The following FAM117A variants were observed in gnomAD, a reference collection of about 807,000 sequenced individuals.
FAM117A encodes family with sequence similarity 117 member A, also known as protein FAM117A.
In FAM117A, 21 loss-of-function variants were observed where a neutral mutation model predicts 44.1. That is an observed-to-expected ratio of 0.48 (90% CI 0.34 to 0.69). The LOEUF is 0.69. Ranked by LOEUF, FAM117A falls within the 30% of genes least tolerant of loss-of-function variation. The pLI, the probability that FAM117A is intolerant of heterozygous loss-of-function variation, is 0.01. For missense variants in FAM117A, 498 were observed against 589.9 expected, an observed-to-expected ratio of 0.84 and a Z score of 1.61; for synonymous variants, 220 against 238.3, an observed-to-expected ratio of 0.92 and a Z score of 0.71.
intron 7 of FAM117A, among the ~76,000 whole-genome samples, chr17:49,715,543 G>GCC (rs2073498377): frequency 6.6e-6 from 1 of 152,166 alleles, no homozygotes; most frequent in Non-Finnish European, 1.5e-5. Context: ...GCTAATGGGA[G>GCC]GAAAGTGTAA....
At chr17:49,782,950 T>C (rs1358700536) in intron 1 of FAM117A, among the ~76,000 whole-genome samples, 1 of 152,166 alleles carries the variant, frequency 6.6e-6, no homozygotes, top group East Asian at 1.9e-4. Context: ...TAAACATTTG[T>C]TGAATGTATA....
intron 1 of FAM117A, among the ~76,000 whole-genome samples, chr17:49,739,975 C>G (rs1018142468): frequency 3.3e-5 from 5 of 152,206 alleles, no homozygotes; most frequent in Admixed American, 3.3e-4. Context: ...TCTTGAGCAA[C>G]GGCAAATGGA....
chr17:49,711,239 G>A lies in FAM117A; in HGVS notation c.*16C>T, dbSNP rs369253851. ...GGCACTGGTCTCTATGGTAAAGTGGGGCAGGGGTGGGACCCTCAGACCATC... is the reference window on the plus strand; with the variant it reads ...GGCACTGGTCTCTATGGTAAAGTGGAGCAGGGGTGGGACCCTCAGACCATC... On this transcript the variant is annotated 3_prime_UTR_variant, in exon 8 of 8. Transcript: ENST00000240364. The A allele has an allele frequency of 2.5e-6, 4 of 1,576,920 alleles. No homozygotes were observed. The African/African-American group carries it at 4.1e-5, about 16-fold the overall frequency.
intron 1 of FAM117A, among the ~76,000 whole-genome samples, chr17:49,762,886 G>A (rs996860031): frequency 1.3e-5 from 2 of 152,134 alleles, no homozygotes; most frequent in Admixed American, 1.3e-4. Flanking sequence ...GAGTATCAAA[G>A]CAAGGTTAAG....
intron 1 of FAM117A, among the ~76,000 whole-genome samples, chr17:49,759,497 G>C (rs2073714090): frequency 1.3e-5 from 2 of 152,194 alleles, no homozygotes; most frequent in Non-Finnish European, 2.9e-5. Context: ...GGTTTTAGAA[G>C]GGGAATTGTA....
chr17:49,728,920 G>A lies in FAM117A; in HGVS notation c.366+3631C>T, dbSNP rs560222918. Among the ~76,000 whole-genome samples the A allele has an allele frequency of 1.8e-4, 27 of 152,222 alleles. 1 individual carries two copies. The highest frequency in any genetic ancestry group is 5.8e-4 in the East Asian group (3 of 5,180). ...CCAATATCACAAATAACATATATCC[G>A]CACGCTTCCTCTTTCCTTGCCCCAA... On this transcript the variant is annotated intron_variant, in intron 2 of 7. Transcript: ENST00000240364.
intron 1 of FAM117A, among the ~76,000 whole-genome samples, chr17:49,755,244 G>A (rs1056155840): frequency 6.6e-6 from 1 of 152,102 alleles, no homozygotes; most frequent in African/African-American, 2.4e-5. Flanking sequence ...CAGGATGGTG[G>A]CTGGCTTGGG....
At chr17:49,782,551 A>C (rs1276672476) in intron 1 of FAM117A, among the ~76,000 whole-genome samples, 1 of 146,028 alleles carries the variant, frequency 6.8e-6, no homozygotes, top group Non-Finnish European at 1.5e-5. Flanking sequence ...TAAGCCGGGC[A>C]TGGTGGCACG....
chr17:49,712,871 A>C (rs2073485031), intron 7 of FAM117A, among the ~76,000 whole-genome samples: 1 of 151,708 alleles, frequency 6.6e-6, no homozygotes, highest in Admixed American at 6.6e-5. Flanking sequence ...CTCCTTTTTA[A>C]TTTTAATTTT....
At chr17:49,770,299 G>C (rs1191436427) in intron 1 of FAM117A, among the ~76,000 whole-genome samples, 1 of 143,446 alleles carries the variant, frequency 7.0e-6, no homozygotes, top group Non-Finnish European at 1.5e-5. Context: ...AAAGGATTTA[G>C]ATGGAGTACT....
chr17:49,748,261 A>C (rs762323012), intron 1 of FAM117A, among the ~76,000 whole-genome samples: 3 of 152,236 alleles, frequency 2.0e-5, no homozygotes, highest in Non-Finnish European at 2.9e-5. Flanking sequence ...TTAATTACCA[A>C]TAAGTCCTAA....
At chr17:49,769,029 C>A (rs2143794283), upstream of FAM117A, among the ~76,000 whole-genome samples, 1 of 152,340 alleles carries the variant, frequency 6.6e-6, no homozygotes, top group South Asian at 2.1e-4. Context: ...GGTGTGGTGG[C>A]TCATGCCTGT....
At chr17:49,718,579 G>A (rs1457927656) in intron 5 of FAM117A, among the ~76,000 whole-genome samples, 2 of 151,980 alleles carry the variant, frequency 1.3e-5, no homozygotes, top group Non-Finnish European at 2.9e-5. Context: ...GCTGAGGCAG[G>A]AGAATGGCGT....
At position 49,719,013 on chromosome 17, in the gene FAM117A, C is replaced by T. The variant is rs1402069855; in HGVS notation, c.708+747G>A. On this transcript the variant is annotated intron_variant, in intron 5 of 7. Coordinates refer to ENST00000240364, the MANE Select transcript of FAM117A (RefSeq NM_030802.4). ...GGCCGGTGGCTCACGCCTGTAATCC[C>T]AGCACTTAGGGAGGCCGAGGCGGGT... is the stretch of plus-strand genomic sequence containing the variant. Among the ~76,000 whole-genome samples, 13 of 151,606 alleles carry T rather than the reference C, an allele frequency of 8.6e-5. 1 individual carries two copies. The Middle Eastern group carries it at 0.024, about 281-fold the overall frequency.
At chr17:49,763,323 TC>T (rs1432207306) in intron 1 of FAM117A, among the ~76,000 whole-genome samples, 1 of 151,834 alleles carries the variant, frequency 6.6e-6, no homozygotes, top group Non-Finnish European at 1.5e-5. Flanking sequence ...TGAGATGAAA[TC>T]AGTTCCAGGA....
intron 1 of FAM117A, among the ~76,000 whole-genome samples, chr17:49,744,995 C>T (rs1431761242): frequency 8.5e-6 from 1 of 117,004 alleles, no homozygotes; most frequent in Non-Finnish European, 1.6e-5. Context: ...GCCTGGGAGA[C>T]AGAGCGAGAC....
chr17:49,771,931 CT>C (rs1407120351), intron 1 of FAM117A, among the ~76,000 whole-genome samples: 2 of 152,228 alleles, frequency 1.3e-5, no homozygotes, highest in Non-Finnish European at 2.9e-5. Flanking sequence ...CTTTGACACT[CT>C]CCACCTGATT....
intron 5 of FAM117A, 85 bp from the exon 6 acceptor site, chr17:49,717,799 C>G: frequency 6.2e-6 from 7 of 1,121,558 alleles, no homozygotes; most frequent in Non-Finnish European, 8.9e-6. Flanking sequence ...ATTTCCCTTG[C>G]TGCTGTCATT....
rs537919602 is a variant in FAM117A at position 49,736,857 on chromosome 17, C to G, written c.197-4137G>C. Among the ~76,000 whole-genome samples the G allele has an allele frequency of 3.3e-5, 5 of 152,332 alleles. No homozygotes were observed. In the East Asian group the frequency reaches 9.6e-4, roughly 29 times the overall value. On this transcript the variant is annotated intron_variant, in intron 1 of 7. Transcript: ENST00000240364. ...CTTTGTACTCTTCTAGTAATGAGCACCTTCTCTTGAGGAATAGGGTATTTG... is the reference window on the plus strand; with the variant it reads ...CTTTGTACTCTTCTAGTAATGAGCAGCTTCTCTTGAGGAATAGGGTATTTG...
Sources: allele counts gnomAD v4.1 joint callset (sites outside exome capture counted in the v4.1 genomes callset), GRCh38; gene constraint gnomAD v4.1.1; transcripts MANE v1.5; gene names NCBI Gene and HGNC (gene_info 2026-07-23, HGNC 2026-07-21).